Variants in GREM2 observed in about 807,000 individuals in gnomAD.
The protein encoded by GREM2 is gremlin-2.
GREM2 carries 11 observed loss-of-function variants against 14.2 expected under a neutral mutation model. The ratio of observed to expected loss-of-function variants is 0.78; its 90% CI spans 0.49 to 1.28. The LOEUF is 1.28. Among genes scored for constraint, GREM2 ranks in the 50% most tolerant of loss-of-function variants. The pLI is 0.00. For synonymous variants in GREM2, 98 were observed against 97.6 expected, an observed-to-expected ratio of 1.00 and a Z score of -0.02; for missense variants, 210 against 218.5, an observed-to-expected ratio of 0.96 and a Z score of 0.24.
At chr1:240,520,082 A>AAAAATAAAATAAAATAAAAT (rs200273633) in intron 1 of GREM2, among the ~76,000 whole-genome samples, 9,979 of 144,126 alleles carry the variant, frequency 0.069, 391 homozygotes, top group Middle Eastern at 0.11. Context: ...CTCCATCCCA[A>AAAAATAAAATAAAATAAAAT]AAAATAAAAT....
chr1:240,505,376 C>T (rs1196847090), intron 1 of GREM2, among the ~76,000 whole-genome samples: 2 of 152,074 alleles, frequency 1.3e-5, no homozygotes, highest in Non-Finnish European at 2.9e-5. Flanking sequence ...TACACACGCA[C>T]AGTAGGGAAT....
chr1:240,494,849 C>T (rs1321894265), intron 1 of GREM2, among the ~76,000 whole-genome samples: 3 of 151,862 alleles, frequency 2.0e-5, no homozygotes, highest in South Asian at 2.1e-4. Context: ...TGCAATGAGC[C>T]GAGATGGCGT....
intron 1 of GREM2, among the ~76,000 whole-genome samples, chr1:240,560,196 T>G (rs943432618): frequency 6.6e-6 from 1 of 152,194 alleles, no homozygotes; most frequent in Non-Finnish European, 1.5e-5. Context: ...TACCGCTGTA[T>G]GGAGAACGTT....
chr1:240,554,279 C>G (rs369805976), intron 1 of GREM2, among the ~76,000 whole-genome samples: 1 of 151,564 alleles, frequency 6.6e-6, no homozygotes, highest in Admixed American at 6.6e-5. Flanking sequence ...GGTGTGGTAG[C>G]GGGAGCCGGT....
intron 1 of GREM2, among the ~76,000 whole-genome samples, chr1:240,610,529 G>C (rs1355336877): frequency 6.6e-6 from 1 of 151,556 alleles, no homozygotes; most frequent in Non-Finnish European, 1.5e-5. Context: ...AACAAAAAAA[G>C]GTCGATATAA....
rs528085945 is a variant in GREM2, at chr1:240,571,901, C to T, written c.-2+39983G>A. Reference sequence around the variant, plus strand: ...GCACCAAGGAAATAAAGAAGCCAAACGCCAGAGCTGGGCTGTCCATCAATT... The same window carrying T: ...GCACCAAGGAAATAAAGAAGCCAAATGCCAGAGCTGGGCTGTCCATCAATT... On this transcript the variant is annotated intron_variant, in intron 1 of 1. Coordinates refer to ENST00000318160, the MANE Select transcript of GREM2 (RefSeq NM_022469.4). Among the ~76,000 whole-genome samples, 119 of 152,214 alleles carry T rather than the reference C, an allele frequency of 7.8e-4. 2 individuals carry two copies. The highest frequency in any genetic ancestry group is 4.1e-3 in the East Asian group (21 of 5,168).
At chr1:240,536,098 C>T (rs1215560521) in intron 1 of GREM2, among the ~76,000 whole-genome samples, 1 of 152,052 alleles carries the variant, frequency 6.6e-6, no homozygotes, top group Non-Finnish European at 1.5e-5. Flanking sequence ...ACTGGAACCA[C>T]AGTACCTTCA....
chr1:240,610,644 G>T (rs879389708), intron 1 of GREM2, among the ~76,000 whole-genome samples: 9 of 152,216 alleles, frequency 5.9e-5, no homozygotes, highest in Admixed American at 3.9e-4. Context: ...AGCTAAGCAC[G>T]GCTGAATGGT....
rs1449123668 is a variant in GREM2 at position 240,492,993 on chromosome 1, G to A, written c.483C>T (p.Asn161=). The A allele has an allele frequency of 1.3e-6, 2 of 1,559,732 alleles. No individual in the cohort carries two copies. Among genetic ancestry groups the A allele is most frequent in the Non-Finnish European group, 1.7e-6 (2 of 1,147,348 alleles). Residue 161 remains asparagine (N), a synonymous_variant, in exon 2 of 2, where the codon AAC becomes AAT. Coordinates refer to ENST00000318160, the MANE Select transcript of GREM2 (RefSeq NM_022469.4). The part of the protein sequence containing the change: ...KVKQCRCMSV[N]LSDSDKQ ...CTCACTGCTTGTCCGAGTCGCTCAGGTTCACGGACATGCACCGGCACTGCT... is the reference window on the plus strand; with the variant it reads ...CTCACTGCTTGTCCGAGTCGCTCAGATTCACGGACATGCACCGGCACTGCT...
intron 1 of GREM2, among the ~76,000 whole-genome samples, chr1:240,568,347 C>A (rs1434367711): frequency 1.3e-5 from 2 of 151,710 alleles, no homozygotes; most frequent in Admixed American, 6.6e-5. Flanking sequence ...TAGCAATATG[C>A]CAACAAAGGA....
At chr1:240,553,057 A>G (rs534340890) in intron 1 of GREM2, among the ~76,000 whole-genome samples, 1 of 152,286 alleles carries the variant, frequency 6.6e-6, no homozygotes, top group East Asian at 1.9e-4. Flanking sequence ...GAAATTGTAT[A>G]TGGCAAACTG....
At chr1:240,611,209 A>C (rs1425814280) in intron 1 of GREM2, among the ~76,000 whole-genome samples, 1 of 152,224 alleles carries the variant, frequency 6.6e-6, no homozygotes, top group African/African-American at 2.4e-5. Flanking sequence ...AATATGTGAG[A>C]TCCTGGAACT....
At chr1:240,536,368 A>G (rs1678469988) in intron 1 of GREM2, among the ~76,000 whole-genome samples, 1 of 152,214 alleles carries the variant, frequency 6.6e-6, no homozygotes, top group African/African-American at 2.4e-5. Context: ...ACACAGGGGG[A>G]TGCAGTGACC....
intron 1 of GREM2, among the ~76,000 whole-genome samples, chr1:240,576,186 G>C (rs1161956068): frequency 6.6e-6 from 1 of 152,176 alleles, no homozygotes; most frequent in South Asian, 2.1e-4. Context: ...CTGATTCGTG[G>C]AGACAGCATA....
At chr1:240,498,265 C>G (rs907616708) in intron 1 of GREM2, among the ~76,000 whole-genome samples, 9 of 152,178 alleles carry the variant, frequency 5.9e-5, no homozygotes, top group African/African-American at 2.2e-4. Flanking sequence ...AAATGCAAAC[C>G]TTCAACTTTC....
At chr1:240,611,065 A>G (rs969399141) in intron 1 of GREM2, among the ~76,000 whole-genome samples, 15 of 109,452 alleles carry the variant, frequency 1.4e-4, no homozygotes, top group Non-Finnish European at 1.8e-4. Context: ...CAAAACCCAC[A>G]CCTCAAAATA....
At chr1:240,604,407 G>T (rs748272786) in intron 1 of GREM2, among the ~76,000 whole-genome samples, 1 of 151,822 alleles carries the variant, frequency 6.6e-6, no homozygotes, top group Non-Finnish European at 1.5e-5. Context: ...CTAAAAGCAG[G>T]TATGATCACT....
At chr1:240,561,290 T>C (rs375847857) in intron 1 of GREM2, among the ~76,000 whole-genome samples, 3 of 152,282 alleles carry the variant, frequency 2.0e-5, no homozygotes, top group Admixed American at 1.3e-4. Flanking sequence ...TGTGGATTAA[T>C]TGAATGCAGA....
At chr1:240,530,381 C>T (rs74509011) in intron 1 of GREM2, 1 of 152,096 alleles carries the variant, frequency 6.6e-6, no homozygotes, top group South Asian at 2.1e-4. Context: ...TTTCTAAAAG[C>T]CTTTACTGCT....
Sources: allele counts gnomAD v4.1 joint callset (sites outside exome capture counted in the v4.1 genomes callset), GRCh38; gene constraint gnomAD v4.1.1; transcripts MANE v1.5; gene names NCBI Gene and HGNC (gene_info 2026-07-23, HGNC 2026-07-21).